Variants in GRM8 observed in about 807,000 individuals in gnomAD.
GRM8 encodes the protein glutamate metabotropic receptor 8, also known as metabotropic glutamate receptor 8.
Under a neutral mutation model 87.2 loss-of-function variants are expected in GRM8, and 47 were observed. The observed-to-expected ratio is 0.54, with a 90% CI of 0.43 to 0.69. The LOEUF (loss-of-function observed/expected upper bound fraction) is 0.69. Ranked by LOEUF, GRM8 falls within the 30% of genes least tolerant of loss-of-function variation. The pLI is 0.00. For missense variants in GRM8, 1,019 were observed against 1,139.2 expected (o/e 0.89, Z 1.52); for synonymous variants, 396 against 404.5 (o/e 0.98, Z 0.25).
intron 9 of GRM8, among the ~76,000 whole-genome samples, chr7:126,498,702 T>C (rs1221378929): frequency 2.6e-5 from 4 of 151,972 alleles, no homozygotes; most frequent in African/African-American, 9.7e-5. Flanking sequence ...TTTTTCCACC[T>C]TACTTCTGCC....
In GRM8 at chr7:126,993,223, A is replaced by G. The variant is rs142898420; in HGVS notation, c.728-88540T>C. On this transcript the variant is annotated intron_variant, in intron 3 of 10. Coordinates refer to ENST00000339582, the MANE Select transcript of GRM8 (RefSeq NM_000845.3). The stretch of plus-strand genomic sequence containing the variant: ...TACATAATAAAAAACAGGGACTCAT[A>G]CAGATATTTTTATCATTGCTGGATA... Among the ~76,000 whole-genome samples the G allele has an allele frequency of 4.5e-4, 69 of 152,300 alleles. No individual in the cohort carries two copies. The East Asian group carries it at 0.013, about 28-fold the overall frequency.
chr7:126,928,535 GGT>G (rs1367682432), intron 3 of GRM8, among the ~76,000 whole-genome samples: 1 of 152,034 alleles, frequency 6.6e-6, no homozygotes. Flanking sequence ...AACCGGGTAT[GGT>G]GGTTTGCACC....
At chr7:126,810,124 T>G (rs1420810610) in intron 6 of GRM8, among the ~76,000 whole-genome samples, 6 of 152,124 alleles carry the variant, frequency 3.9e-5, no homozygotes, top group Non-Finnish European at 5.9e-5. Context: ...CTCTAATAAA[T>G]GACAACTTAG....
intron 8 of GRM8, among the ~76,000 whole-genome samples, chr7:126,588,735 A>G (rs558376346): frequency 4.6e-5 from 7 of 152,338 alleles, no homozygotes; most frequent in Non-Finnish European, 8.8e-5. Context: ...GAAAGCCAAA[A>G]GAATCCACAG....
In GRM8 at chr7:127,243,201, C is replaced by A. The variant is rs775768370; in HGVS notation, c.4G>T (p.Val2Leu). Residue 2 changes from valine to leucine, a missense_variant, in exon 2 of 11, where the codon GTA (valine) becomes TTA (leucine). Val to Leu is a conservative substitution (Grantham distance 32). Coordinates refer to ENST00000339582, the MANE Select transcript of GRM8 (RefSeq NM_000845.3). The part of the protein sequence containing the change: M[V>L]CEGKRSASCP... Reference sequence around the variant, plus strand: ...GAGGCTGATCGCTTTCCCTCGCATACCATTTTCTCCACAGGTGGTATTGCA... The same window carrying A: ...GAGGCTGATCGCTTTCCCTCGCATAACATTTTCTCCACAGGTGGTATTGCA... 1 of 1,602,686 alleles carries A rather than the reference C, an allele frequency of 6.2e-7. No homozygotes were observed. The highest frequency in any genetic ancestry group is 8.5e-7 in the Non-Finnish European group (1 of 1,178,592).
intron 3 of GRM8, among the ~76,000 whole-genome samples, chr7:126,947,301 T>G (rs994260083): frequency 6.6e-6 from 1 of 152,202 alleles, no homozygotes; most frequent in Non-Finnish European, 1.5e-5. Flanking sequence ...CTGAGCCAAC[T>G]GTGAAACAGA....
intron 8 of GRM8, among the ~76,000 whole-genome samples, chr7:126,595,418 ATTTTATTT>A (rs757340098): frequency 0.084 from 5,676 of 67,414 alleles, 152 homozygotes; most frequent in East Asian, 0.21. Context: ...ATTTTATTTT[ATTTTATTT>A]TATTATTTTA....
At chr7:126,958,860 C>A (rs1340893527) in intron 3 of GRM8, among the ~76,000 whole-genome samples, 2 of 152,128 alleles carry the variant, frequency 1.3e-5, no homozygotes, top group Admixed American at 6.5e-5. Context: ...TGCAGATATA[C>A]CAAATAATCA....
At chr7:127,115,011 C>T (rs554499973) in intron 2 of GRM8, among the ~76,000 whole-genome samples, 1 of 152,180 alleles carries the variant, frequency 6.6e-6, no homozygotes, top group African/African-American at 2.4e-5. Flanking sequence ...AGAGAGAGAG[C>T]AGTTACAGAG....
intron 6 of GRM8, among the ~76,000 whole-genome samples, chr7:126,813,732 T>C (rs926949949): frequency 1.3e-5 from 2 of 152,084 alleles, no homozygotes; most frequent in Non-Finnish European, 2.9e-5. Context: ...GTATGCCTAT[T>C]TTCAGGATCG....
intron 2 of GRM8, among the ~76,000 whole-genome samples, chr7:127,196,138 A>G (rs1219374955): frequency 6.6e-6 from 1 of 152,188 alleles, no homozygotes; most frequent in Non-Finnish European, 1.5e-5. Context: ...TGTGACATTC[A>G]AGTTTGGGGG....
intron 9 of GRM8, among the ~76,000 whole-genome samples, chr7:126,510,136 C>G (rs1811115388): frequency 6.6e-6 from 1 of 151,996 alleles, no homozygotes; most frequent in African/African-American, 2.4e-5. Context: ...TGCTTTTAAT[C>G]TATAGCTGCA....
intron 7 of GRM8, among the ~76,000 whole-genome samples, chr7:126,761,207 TA>T (rs1277249609): frequency 2.1e-3 from 299 of 140,544 alleles, no homozygotes; most frequent in South Asian, 5.2e-3. Flanking sequence ...CTTAAAAAAT[TA>T]AAAAAAAAAA....
At chr7:126,983,580 G>C (rs982322929) in intron 3 of GRM8, among the ~76,000 whole-genome samples, 1 of 152,156 alleles carries the variant, frequency 6.6e-6, no homozygotes, top group East Asian at 1.9e-4. Context: ...AACAGGCTAA[G>C]AAGGGAGTTA....
At chr7:126,807,820 A>G (rs1166595690) in intron 6 of GRM8, among the ~76,000 whole-genome samples, 3 of 152,160 alleles carry the variant, frequency 2.0e-5, no homozygotes, top group Admixed American at 6.5e-5. Context: ...ACTCCACACA[A>G]GACTAGCACG....
intron 6 of GRM8, among the ~76,000 whole-genome samples, chr7:126,861,634 G>A (rs1214110477): frequency 6.7e-6 from 1 of 149,808 alleles, no homozygotes; most frequent in Non-Finnish European, 1.5e-5. Context: ...TTTTAAACTT[G>A]TATGATCTTG....
chr7:127,121,737 CTT>C (rs1179733112), intron 2 of GRM8, among the ~76,000 whole-genome samples: 1 of 152,108 alleles, frequency 6.6e-6, no homozygotes, highest in Non-Finnish European at 1.5e-5. Flanking sequence ...GTGCCACACA[CTT>C]TTAAACCACC....
intron 6 of GRM8, among the ~76,000 whole-genome samples, chr7:126,787,534 T>C (rs1332326501): frequency 2.0e-5 from 3 of 152,188 alleles, no homozygotes; most frequent in Non-Finnish European, 4.4e-5. Flanking sequence ...TCTTCTATTA[T>C]AAAATACATG....
intron 6 of GRM8, among the ~76,000 whole-genome samples, chr7:126,865,076 C>T (rs538463430): frequency 1.2e-4 from 18 of 152,328 alleles, no homozygotes; most frequent in African/African-American, 4.1e-4. Context: ...TAAGCAGAAT[C>T]CTAGCTCTGA....
Sources: allele counts gnomAD v4.1 joint callset (sites outside exome capture counted in the v4.1 genomes callset), GRCh38; gene constraint gnomAD v4.1.1; transcripts MANE v1.5; gene names NCBI Gene and HGNC (gene_info 2026-07-23, HGNC 2026-07-21).